Variants in MYO3A observed in about 807,000 individuals in gnomAD.
MYO3A encodes myosin IIIA, also known as myosin-IIIa.
Under a neutral mutation model 192.7 loss-of-function variants are expected in MYO3A, and 180 were observed. The observed-to-expected ratio is 0.93, with a 90% CI of 0.83 to 1.06. The LOEUF is 1.06. MYO3A is among the 50% of genes least tolerant of loss of function. The pLI is 0.00. For synonymous variants in MYO3A, 628 were observed against 645.3 expected (o/e 0.97, Z 0.41); for missense variants, 1,896 against 1,905.0 (o/e 1.00, Z 0.09).
chr10:25,992,154 T>C (rs1840076263), intron 4 of MYO3A, among the ~76,000 whole-genome samples: 1 of 152,234 alleles, frequency 6.6e-6, no homozygotes, highest in Non-Finnish European at 1.5e-5. Flanking sequence ...GAGCATGGAA[T>C]GGTCTTCCAT....
chr10:26,132,850 C>G (rs1433686630), intron 20 of MYO3A, among the ~76,000 whole-genome samples: 1 of 152,178 alleles, frequency 6.6e-6, no homozygotes, highest in Non-Finnish European at 1.5e-5. Flanking sequence ...TCTAGCTTCT[C>G]TTGCAGAAAG....
intron 14 of MYO3A, among the ~76,000 whole-genome samples, chr10:26,078,183 T>A (rs1835718655): frequency 6.7e-6 from 1 of 150,192 alleles, no homozygotes; most frequent in African/African-American, 2.4e-5. Context: ...TTGCTGCTTG[T>A]TATTGGTCTG....
rs1342453625 is a variant in MYO3A at position 25,996,535 on chromosome 10, A to C, written c.349A>C (p.Lys117Gln). ...SVTDLVKGFLKRGERMSEPLI... is the reference protein window; with the variant it reads ...SVTDLVKGFLQRGERMSEPLI... ...GACTGACCTTGTGAAAGGATTTCTG[A>C]AGAGGGGTGAAAGAATGAGTGAGCC... Residue 117 changes from lysine (K) to glutamine (Q), a missense_variant, in exon 5 of 35, where the codon AAG becomes CAG. Transcript: ENST00000642920. 2 of 1,613,778 alleles carry C rather than the reference A, an allele frequency of 1.2e-6. No individual in the cohort carries two copies. The highest frequency in any genetic ancestry group is 1.7e-6 in the Non-Finnish European group (2 of 1,179,878).
chr10:26,208,001 A>G (rs2132238192), intron 34 of MYO3A, among the ~76,000 whole-genome samples: 1 of 152,154 alleles, frequency 6.6e-6, no homozygotes, highest in Non-Finnish European at 1.5e-5. Flanking sequence ...CCTTGATTAA[A>G]TTTATTCCTA....
At chr10:26,096,540 T>G in intron 16 of MYO3A, 28 bp from the exon 17 acceptor site, 1 of 1,596,406 alleles carries the variant, frequency 6.3e-7, no homozygotes, top group Middle Eastern at 1.7e-4. Flanking sequence ...ATTTTAGACT[T>G]TTATCCTTCC....
At chr10:25,952,596 A>G (rs1837280564) in intron 3 of MYO3A, among the ~76,000 whole-genome samples, 1 of 152,170 alleles carries the variant, frequency 6.6e-6, no homozygotes, top group Admixed American at 6.6e-5. Flanking sequence ...TCAGGGGTCT[A>G]GAAGTAATCC....
At chr10:26,142,673 A>G (rs1840231838) in intron 20 of MYO3A, among the ~76,000 whole-genome samples, 1 of 152,204 alleles carries the variant, frequency 6.6e-6, no homozygotes, top group South Asian at 2.1e-4. Flanking sequence ...CAAGTGGCAG[A>G]GCCGAGATGA....
rs779029724 is a variant in MYO3A at position 26,067,015 on chromosome 10, C to T, written c.994C>T (p.Pro332Ser). The change falls in exon 11 of 35, where the codon CCT becomes TCT. Residue 332 changes from proline (P) to serine (S), a missense_variant. Pro to Ser is a moderately conservative substitution (Grantham distance 74). Coordinates refer to ENST00000642920, the MANE Select transcript of MYO3A (RefSeq NM_017433.5). ...IHTKKGNFNR[P>S]LISNLKDVDD... ...CACGAAGAAAGGGAACTTCAACCGA[C>T]CTCTAATATCCAATCTGAAGGATGT... is the stretch of plus-strand genomic sequence containing the variant. 6.2e-7 allele frequency: 1 copy of T among 1,613,034 alleles called. No homozygotes were observed. Among genetic ancestry groups the T allele is most frequent in the Non-Finnish European group, 8.5e-7 (1 of 1,179,042 alleles).
chr10:26,211,504 A>G (rs1189373736), intron 34 of MYO3A, among the ~76,000 whole-genome samples: 3 of 152,160 alleles, frequency 2.0e-5, no homozygotes, highest in African/African-American at 7.2e-5. Context: ...TGTTAAAATT[A>G]AGGTATTAAA....
intron 14 of MYO3A, among the ~76,000 whole-genome samples, chr10:26,080,509 C>G (rs1835850735): frequency 7.3e-6 from 1 of 137,568 alleles, no homozygotes; most frequent in African/African-American, 2.7e-5. Flanking sequence ...TAACTAACCT[C>G]TTGAATTCTT....
rs75502365 is a variant in MYO3A at position 26,123,924 on chromosome 10, T to TAAAACAA, written c.1904-1458_1904-1452dup. Among the ~76,000 whole-genome samples, 8 of 151,004 alleles carry TAAAACAA rather than the reference T, an allele frequency of 5.3e-5. No individual in the cohort carries two copies. The South Asian group carries it at 1.3e-3, about 24-fold the overall frequency. On this transcript the variant is annotated intron_variant, in intron 18 of 34. Transcript: ENST00000642920. ...CTGGGTGACAGAGCAAGACTCCATC[T>TAAAACAA]AAAACAAAAAACAAAAAACAAACAA...
chr10:26,205,226 A>G (rs2132223991), intron 34 of MYO3A, among the ~76,000 whole-genome samples: 2 of 152,318 alleles, frequency 1.3e-5, no homozygotes, highest in Middle Eastern at 3.4e-3. Flanking sequence ...TAATTAACAT[A>G]TGAATTACCT....
chr10:26,106,256 T>C (rs940092104), intron 17 of MYO3A, among the ~76,000 whole-genome samples: 8 of 152,122 alleles, frequency 5.3e-5, no homozygotes, highest in Non-Finnish European at 8.8e-5. Flanking sequence ...TCCCAAATTA[T>C]GAAGCGACTT....
In MYO3A at chr10:26,039,070, C is replaced by A. The variant is rs142250541; in HGVS notation, c.953+12538C>A. ...GTTTGTTTGTTTTGAGACGGAGTTT[C>A]GCTCTTGTTGCCCAGGCTGGAGTGC... On this transcript the variant is annotated intron_variant, in intron 10 of 34. Transcript: ENST00000642920. 2.3e-3 allele frequency among the ~76,000 whole-genome samples: 357 copies of A among 151,954 alleles called. 3 individuals carry two copies. The highest frequency in any genetic ancestry group is 8.2e-3 in the African/African-American group (338 of 41,448).
At chr10:26,142,275 T>A (rs1321397075) in intron 20 of MYO3A, among the ~76,000 whole-genome samples, 1 of 152,252 alleles carries the variant, frequency 6.6e-6, no homozygotes, top group East Asian at 1.9e-4. Flanking sequence ...GCTTATCACC[T>A]GAGAAGCAGT....
At chr10:26,034,324 C>A (rs1842930897) in intron 10 of MYO3A, among the ~76,000 whole-genome samples, 1 of 152,182 alleles carries the variant, frequency 6.6e-6, no homozygotes. Context: ...AGAGTGGGTG[C>A]CCAGACCTTA....
chr10:26,091,886 G>T lies in MYO3A; in HGVS notation c.1562+3481G>T, dbSNP rs143753028. On this transcript the variant is annotated intron_variant, in intron 15 of 34. Transcript: ENST00000642920. ...TCCGTCTATTTGACACATATTTATT[G>T]AGTGCCTACTGTGTGCTAGGCACAG... 7.6e-3 allele frequency among the ~76,000 whole-genome samples: 1,157 copies of T among 152,298 alleles called. 8 individuals are homozygous for T. Among genetic ancestry groups the T allele is most frequent in the Non-Finnish European group, 0.012 (790 of 68,010 alleles).
At chr10:25,999,482 A>G (rs192654780) in intron 6 of MYO3A, among the ~76,000 whole-genome samples, 16 of 152,326 alleles carry the variant, frequency 1.1e-4, no homozygotes, top group African/African-American at 3.6e-4. Flanking sequence ...AGGGGTGTAC[A>G]TTTATACTGA....
chr10:25,974,461 G>T (rs1588686800), intron 4 of MYO3A, among the ~76,000 whole-genome samples: 1 of 152,280 alleles, frequency 6.6e-6, no homozygotes, highest in African/African-American at 2.4e-5. Context: ...CCCAAATACA[G>T]TCAGAACCAC....
Sources: allele counts gnomAD v4.1 joint callset (sites outside exome capture counted in the v4.1 genomes callset), GRCh38; gene constraint gnomAD v4.1.1; transcripts MANE v1.5; gene names NCBI Gene and HGNC (gene_info 2026-07-23, HGNC 2026-07-21).